The following SNRPN variants were observed in gnomAD, a reference collection of about 807,000 sequenced individuals.
The protein encoded by SNRPN is small nuclear ribonucleoprotein polypeptide N, also known as small nuclear ribonucleoprotein-associated protein N.
SNRPN carries 7 observed loss-of-function variants against 25.2 expected under a neutral mutation model. That is an observed-to-expected ratio of 0.28 (90% CI 0.16 to 0.52). SNRPN has a LOEUF of 0.52. Among genes scored for constraint, SNRPN ranks in the 20% least tolerant of loss-of-function variants. The pLI is 0.96. For missense variants in SNRPN, 196 were observed against 322.5 expected, an observed-to-expected ratio of 0.61 and a Z score of 3.00; for synonymous variants, 124 against 110.6, an observed-to-expected ratio of 1.12 and a Z score of -0.76.
At chr15:24,896,169 G>C (rs1185721329) in intron 2 of SNRPN, among the ~76,000 whole-genome samples, 1 of 152,130 alleles carries the variant, frequency 6.6e-6, no homozygotes, top group Non-Finnish European at 1.5e-5. Flanking sequence ...ATTACCAGCT[G>C]GTCTGATGGG....
rs112189674 is a variant in SNRPN at position 24,844,862 on chromosome 15, C to T, written c.-579+14957C>T. Among the ~76,000 whole-genome samples the T allele has an allele frequency of 4.5e-3, 679 of 152,208 alleles. 1 individual carries two copies. The highest frequency in any genetic ancestry group is 0.014 in the Middle Eastern group (4 of 294). On this transcript the variant is annotated intron_variant, in intron 2 of 12. Coordinates refer to the SNRPN transcript ENST00000400100. The stretch of plus-strand genomic sequence containing the variant: ...TTAAATTTTGTGCTTAATATTTATT[C>T]CCTACCATTATATATTGCTTAACAC...
chr15:24,964,325 A>C (rs1451595726), intron 2 of SNRPN, among the ~76,000 whole-genome samples: 1 of 151,730 alleles, frequency 6.6e-6, no homozygotes. Flanking sequence ...TCATCTCTTC[A>C]TTCTTTTTGA....
intron 3 of SNRPN, among the ~76,000 whole-genome samples, chr15:24,973,620 G>C (rs1046531593): frequency 9.9e-5 from 15 of 152,048 alleles, no homozygotes; most frequent in African/African-American, 3.6e-4. Flanking sequence ...GGCTGGTCTC[G>C]AACTCTTGAC....
intron 1 of SNRPN, among the ~76,000 whole-genome samples, chr15:24,861,070 C>T (rs187431134): frequency 1.0e-3 from 155 of 152,250 alleles, no homozygotes; most frequent in African/African-American, 3.7e-3. Context: ...GATTGTGCCA[C>T]TGCACTCTAG....
At chr15:24,882,159 T>C (rs778228698) in intron 1 of SNRPN, among the ~76,000 whole-genome samples, 9 of 152,190 alleles carry the variant, frequency 5.9e-5, no homozygotes, top group Non-Finnish European at 1.0e-4. Flanking sequence ...TGATTAAATA[T>C]TAAATACAAA....
chr15:24,889,143 C>A (rs1047730193), intron 2 of SNRPN, among the ~76,000 whole-genome samples: 1 of 152,094 alleles, frequency 6.6e-6, no homozygotes, highest in South Asian at 2.1e-4. Flanking sequence ...GTCTCGAACT[C>A]CTGACCTCAG....
At position 24,871,927 on chromosome 15, in the gene SNRPN, G is replaced by T. The variant is rs112336820; in HGVS notation, c.-578-14589G>T. On this transcript the variant is annotated intron_variant, in intron 1 of 11. Coordinates refer to the SNRPN transcript ENST00000400097. ...TCACCATGTTAGCCAGGATGGTCTCGATCTCCTGACTTCATGATTCGCCCA... is the reference window on the plus strand; with the variant it reads ...TCACCATGTTAGCCAGGATGGTCTCTATCTCCTGACTTCATGATTCGCCCA... Among the ~76,000 whole-genome samples, 4 of 118,272 alleles carry T rather than the reference G, an allele frequency of 3.4e-5. 2 individuals are homozygous for T. Among genetic ancestry groups the T allele is most frequent in the African/African-American group, 1.2e-4 (4 of 34,562 alleles). 77.6% of individuals were successfully genotyped at this position (118,272 alleles called of 152,430 possible).
chr15:24,919,324 G>A (rs2647353), intron 2 of SNRPN, among the ~76,000 whole-genome samples: 23,193 of 151,286 alleles, frequency 0.15, 1,902 homozygotes, highest in Middle Eastern at 0.22. Flanking sequence ...CCAGCTACTC[G>A]GGAGGCTGAG....
chr15:24,909,946 G>A, intron 2 of SNRPN: 1 of 494,926 alleles, frequency 2.0e-6, no homozygotes, highest in Non-Finnish European at 3.6e-6. Flanking sequence ...AGGTATCTGT[G>A]TAAAATGCTT....
At chr15:24,863,422 G>A (rs1315071749) in intron 1 of SNRPN, among the ~76,000 whole-genome samples, 2 of 150,170 alleles carry the variant, frequency 1.3e-5, no homozygotes, top group Non-Finnish European at 2.9e-5. Flanking sequence ...GCAGTGTGCA[G>A]CCTTGTAGGC....
chr15:24,954,820 C>G (rs1044732249), upstream of SNRPN: 2 of 613,282 alleles, frequency 3.3e-6, no homozygotes, highest in Non-Finnish European at 5.7e-6. Context: ...GCTGTGGGGC[C>G]CTAGGGGTCC....
chr15:24,835,418 C>T (rs2051077815), intron 2 of SNRPN, among the ~76,000 whole-genome samples: 1 of 151,864 alleles, frequency 6.6e-6, no homozygotes. Context: ...CAAATCACAG[C>T]TTATCATTTT....
At chr15:24,871,322 C>G (rs1187626620) in intron 1 of SNRPN, among the ~76,000 whole-genome samples, 2 of 151,994 alleles carry the variant, frequency 1.3e-5, no homozygotes, top group African/African-American at 4.8e-5. Flanking sequence ...ATTCCATCTA[C>G]TTCACCTATT....
intron 2 of SNRPN, among the ~76,000 whole-genome samples, chr15:24,907,202 C>T (rs1441862328): frequency 6.6e-6 from 1 of 151,988 alleles, no homozygotes; most frequent in African/African-American, 2.4e-5. Flanking sequence ...GATTCGCAGC[C>T]CAGGAAGTCA....
At chr15:24,861,536 A>G (rs999016155) in intron 1 of SNRPN, among the ~76,000 whole-genome samples, 1 of 152,204 alleles carries the variant, frequency 6.6e-6, no homozygotes, top group African/African-American at 2.4e-5. Context: ...CTAGGACATT[A>G]CTGTATGCTA....
chr15:24,916,364 CAGAA>C (rs2059526152), intron 2 of SNRPN, among the ~76,000 whole-genome samples: 1 of 151,844 alleles, frequency 6.6e-6, no homozygotes, highest in South Asian at 2.1e-4. Flanking sequence ...AAGACAGAGA[CAGAA>C]AGAGAGACAG....
At chr15:24,873,938 A>G (rs948930594) in intron 1 of SNRPN, among the ~76,000 whole-genome samples, 6 of 151,948 alleles carry the variant, frequency 3.9e-5, no homozygotes, top group Middle Eastern at 3.2e-3. Flanking sequence ...TTGCAATTCA[A>G]GAAACCTCGC....
At chr15:24,887,195 T>G (rs1344151884) in intron 2 of SNRPN, among the ~76,000 whole-genome samples, 1 of 149,072 alleles carries the variant, frequency 6.7e-6, no homozygotes, top group Non-Finnish European at 1.5e-5. Context: ...TTGCCCAGAC[T>G]GGAGTGCAGT....
At chr15:24,978,031 A>G (rs1166587227) in intron 8 of SNRPN, 115 bp downstream of exon 8, 1 of 1,229,432 alleles carries the variant, frequency 8.1e-7, no homozygotes. Context: ...CTTCTTCTAG[A>G]TACTGGTTTT....
Sources: allele counts gnomAD v4.1 joint callset (sites outside exome capture counted in the v4.1 genomes callset), GRCh38; gene constraint gnomAD v4.1.1; transcripts MANE v1.5; gene names NCBI Gene and HGNC (gene_info 2026-07-23, HGNC 2026-07-21).